The following STK32B variants were observed in gnomAD, a reference collection of about 807,000 sequenced individuals.
STK32B encodes the protein serine/threonine kinase 32B.
A neutral mutation model predicts 52.6 loss-of-function variants in STK32B; 43 were observed. That is an observed-to-expected ratio of 0.82 (90% CI 0.64 to 1.05). The LOEUF is 1.05. Ranked by LOEUF, STK32B falls within the 50% of genes least tolerant of loss-of-function variation. The pLI is 0.00. For missense variants in STK32B, 621 were observed against 534.6 expected (o/e 1.16, Z -1.59); for synonymous variants, 238 against 204.3 (o/e 1.17, Z -1.41).
chr4:5,035,196 T>G, the STK32B span, among the ~76,000 whole-genome samples: 1 of 152,196 alleles, frequency 6.6e-6, no homozygotes, highest in Non-Finnish European at 1.5e-5. Context: ...ACCTTTTCCT[T>G]TTCATTTTAT....
chr4:5,471,617 C>T (rs899430500), intron 11 of STK32B, among the ~76,000 whole-genome samples: 1 of 152,116 alleles, frequency 6.6e-6, no homozygotes. Context: ...GAAACTAATA[C>T]AGCCAATACA....
chr4:5,244,467 TTTC>T (rs748259746), intron 3 of STK32B, among the ~76,000 whole-genome samples: 5 of 152,230 alleles, frequency 3.3e-5, no homozygotes, highest in Non-Finnish European at 5.9e-5. Context: ...TCTTCTCTCT[TTTC>T]TTCTTTATTA....
At position 5,185,051 on chromosome 4, in the gene STK32B, C is replaced by T. The variant is rs763683145; in HGVS notation, c.260+16601C>T. On this transcript the variant is annotated intron_variant, in intron 3 of 11. Transcript: ENST00000282908. Reference sequence around the variant, plus strand: ...TCTCTCCTTCTCCTCCAGCGTCAGACGTGAGGACACGGCCTTTTGGAAAAT... The same window carrying T: ...TCTCTCCTTCTCCTCCAGCGTCAGATGTGAGGACACGGCCTTTTGGAAAAT... 7.2e-5 allele frequency among the ~76,000 whole-genome samples: 11 copies of T among 152,346 alleles called. 1 individual carries two copies. The highest frequency in any genetic ancestry group is 5.8e-4 in the East Asian group (3 of 5,182).
At chr4:5,287,109 T>C (rs552985682) in intron 3 of STK32B, among the ~76,000 whole-genome samples, 13 of 152,236 alleles carry the variant, frequency 8.5e-5, no homozygotes, top group African/African-American at 2.2e-4. Context: ...TGTACACTTT[T>C]GTTGGTTATA....
chr4:5,032,998 TGA>T, the STK32B span, among the ~76,000 whole-genome samples: 1 of 152,188 alleles, frequency 6.6e-6, no homozygotes, highest in Non-Finnish European at 1.5e-5. Context: ...CACATGGGGC[TGA>T]GAGAGGATTA....
chr4:5,075,235 T>C (rs1284798601), intron 1 of STK32B, among the ~76,000 whole-genome samples: 1 of 152,218 alleles, frequency 6.6e-6, no homozygotes, highest in Non-Finnish European at 1.5e-5. Context: ...CCATTTTTCT[T>C]AAGTTTTGTT....
chr4:5,477,585 G>A (rs1245156941), intron 11 of STK32B, among the ~76,000 whole-genome samples: 1 of 152,172 alleles, frequency 6.6e-6, no homozygotes, highest in Non-Finnish European at 1.5e-5. Flanking sequence ...TGTGTTCCTT[G>A]TTCACGCTGT....
chr4:5,303,621 C>T (rs925289208), intron 3 of STK32B, among the ~76,000 whole-genome samples: 1 of 152,088 alleles, frequency 6.6e-6, no homozygotes, highest in Non-Finnish European at 1.5e-5. Context: ...GATTTTCTGT[C>T]ACTCTATGGG....
At chr4:5,054,995 G>A (rs1222094178) in intron 1 of STK32B, among the ~76,000 whole-genome samples, 1 of 152,098 alleles carries the variant, frequency 6.6e-6, no homozygotes, top group Non-Finnish European at 1.5e-5. Flanking sequence ...TAAAATAATG[G>A]TGGCTTTACT....
At chr4:5,438,594 TTTTTTG>T (rs928802768) in intron 6 of STK32B, among the ~76,000 whole-genome samples, 7 of 152,172 alleles carry the variant, frequency 4.6e-5, no homozygotes, top group South Asian at 4.1e-4. Flanking sequence ...TGATTTGACT[TTTTTTG>T]TTTTTGTTTT....
chr4:5,492,747 C>G lies in STK32B; in HGVS notation c.1107-6198C>G, dbSNP rs191594195. Among the ~76,000 whole-genome samples, 149 of 151,384 alleles carry G rather than the reference C, an allele frequency of 9.8e-4. 6 individuals are homozygous for G. The highest frequency in any genetic ancestry group is 3.4e-3 in the African/African-American group (139 of 40,712). On this transcript the variant is annotated intron_variant, in intron 11 of 11. Coordinates refer to ENST00000282908, the MANE Select transcript of STK32B (RefSeq NM_018401.3). Reference sequence around the variant, plus strand: ...TAGCTCTTACTATTTTGAGATACGTCCCATCAATACCAAATTTCTTGAGAG... The same window carrying G: ...TAGCTCTTACTATTTTGAGATACGTGCCATCAATACCAAATTTCTTGAGAG...
chr4:5,215,898 C>T (rs997265771), intron 3 of STK32B, among the ~76,000 whole-genome samples: 1 of 152,168 alleles, frequency 6.6e-6, no homozygotes, highest in Non-Finnish European at 1.5e-5. Context: ...AATTAGGTGC[C>T]TGTGGTGGTC....
At chr4:5,126,047 C>G (rs1715344596) in intron 1 of STK32B, among the ~76,000 whole-genome samples, 1 of 152,152 alleles carries the variant, frequency 6.6e-6, no homozygotes, top group South Asian at 2.1e-4. Context: ...ACACCTCGGT[C>G]AAAAGCCAGT....
intron 1 of STK32B, among the ~76,000 whole-genome samples, chr4:5,060,958 C>G (rs1419647580): frequency 6.6e-6 from 1 of 152,140 alleles, no homozygotes; most frequent in Non-Finnish European, 1.5e-5. Context: ...CTTTCAGAAA[C>G]TTGATGATGT....
At chr4:5,053,526 T>C (rs1741871682) in intron 1 of STK32B, among the ~76,000 whole-genome samples, 2 of 152,166 alleles carry the variant, frequency 1.3e-5, no homozygotes, top group Admixed American at 1.3e-4. Flanking sequence ...TTGCCACCCT[T>C]ATATTGAAAA....
chr4:5,424,831 G>A (rs1712949260), intron 6 of STK32B, among the ~76,000 whole-genome samples: 2 of 152,230 alleles, frequency 1.3e-5, no homozygotes, highest in Admixed American at 6.5e-5. Context: ...AAGGAGAGAA[G>A]GGAGAAGGAG....
intron 7 of STK32B, among the ~76,000 whole-genome samples, chr4:5,455,491 C>T (rs1716422248): frequency 6.6e-6 from 1 of 152,230 alleles, no homozygotes; most frequent in African/African-American, 2.4e-5. Flanking sequence ...TCATTCCCAA[C>T]TCTGGCATCT....
intron 3 of STK32B, among the ~76,000 whole-genome samples, chr4:5,184,251 G>C (rs1720570325): frequency 6.6e-6 from 1 of 152,134 alleles, no homozygotes; most frequent in Admixed American, 6.5e-5. Context: ...GTTATTGCTT[G>C]GCCTAATTTC....
intron 3 of STK32B, among the ~76,000 whole-genome samples, chr4:5,232,920 G>C (rs1370642260): frequency 6.6e-6 from 1 of 152,090 alleles, no homozygotes; most frequent in Non-Finnish European, 1.5e-5. Flanking sequence ...TTATTCCCTA[G>C]CTCCTTGCAT....
Sources: gnomAD v4.1 joint callset for allele counts (sites outside exome capture counted in the v4.1 genomes callset) on GRCh38, gnomAD v4.1.1 for gene constraint, MANE v1.5 for transcripts, NCBI Gene and HGNC (gene_info 2026-07-23, HGNC 2026-07-21) for gene names.